The following BOC variants were observed in gnomAD, a reference collection of about 807,000 sequenced individuals.
The protein encoded by BOC is BOC cell adhesion associated, oncogene regulated, also known as brother of CDO.
Under a neutral mutation model 112.0 loss-of-function variants are expected in BOC, and 76 were observed. That is an observed-to-expected ratio of 0.68 (90% CI 0.56 to 0.82). The LOEUF (loss-of-function observed/expected upper bound fraction) is 0.82. Among genes scored for constraint, BOC ranks in the 40% least tolerant of loss-of-function variants. The pLI, the probability that BOC is intolerant of heterozygous loss-of-function variation, is 0.00. For missense variants in BOC, 1,309 were observed against 1,511.7 expected (o/e 0.87, Z 2.22); for synonymous variants, 580 against 599.8 (o/e 0.97, Z 0.48).
chr3:113,244,843 C>A (rs1381263716), intron 2 of BOC, among the ~76,000 whole-genome samples: 1 of 152,140 alleles, frequency 6.6e-6, no homozygotes, highest in East Asian at 1.9e-4. Flanking sequence ...GAAGTAAATT[C>A]AGAAACATTC....
At chr3:113,212,526 G>A (rs1938395896) in intron 1 of BOC, 1 of 152,248 alleles carries the variant, frequency 6.6e-6, no homozygotes, top group African/African-American at 2.4e-5. Context: ...TGGAGGGTGA[G>A]GGTTTCTCAT....
At position 113,274,141 on chromosome 3, in the gene BOC, G is replaced by A. The variant is rs1237336165; in HGVS notation, c.1235-234G>A. The stretch of plus-strand genomic sequence containing the variant: ...TCAGGAGTTTGCTTGCCATACCCAA[G>A]CCACCCCTGAGCCCTGGCCAGGCAG... On this transcript the variant is annotated intron_variant, in intron 8 of 19. Coordinates refer to ENST00000682979, the MANE Select transcript of BOC (RefSeq NM_001378074.1). The surrounding 1 kb of genome is among the most constrained non-coding windows in gnomAD (Gnocchi z 4.8). 6.6e-6 allele frequency among the ~76,000 whole-genome samples: 1 copy of A among 152,158 alleles called. No individual in the cohort carries two copies. The highest frequency in any genetic ancestry group is 1.9e-4 in the East Asian group (1 of 5,180).
Position 113,268,364 on chromosome 3 carries a change from A to G in BOC, c.442A>G (p.Ile148Val). ...AGTGGATGAGGGAAACACAGCAGTC[A>G]TTGCCTGCCACCTGCCTGAGAGCCA... ...IEVDEGNTAV[I>V]ACHLPESHPK... is the part of the protein sequence containing the mutation. Residue 148 changes from isoleucine (I) to valine (V), a missense_variant, in exon 5 of 20, where the codon ATT (isoleucine) becomes GTT (valine). Transcript: ENST00000682979. 6.2e-7 allele frequency: 1 copy of G among 1,614,112 alleles called. No individual in the cohort carries two copies. Among genetic ancestry groups the G allele is most frequent in the Non-Finnish European group, 8.5e-7 (1 of 1,179,996 alleles).
At position 113,272,671 on chromosome 3, in the gene BOC, C is replaced by A; in HGVS notation, c.929C>A (p.Ala310Glu). 1 of 1,613,912 alleles carries A rather than the reference C, an allele frequency of 6.2e-7. No individual in the cohort carries two copies. Among genetic ancestry groups the A allele is most frequent in the Non-Finnish European group, 8.5e-7 (1 of 1,179,978 alleles). The change falls in exon 7 of 20, where the codon GCA becomes GAA. Residue 310 changes from alanine to glutamate, a missense_variant. Physicochemically the swap from Ala to Glu is moderately radical, Grantham distance 107. Transcript: ENST00000682979. ...MADNGVGQPGAAVILYNVQVF... is the reference protein window; with the variant it reads ...MADNGVGQPGEAVILYNVQVF... ...GACAATGGGGTTGGGCAGCCCGGGG[C>A]AGCGGTCATCCTCTACAATGTCCAG... is the stretch of plus-strand genomic sequence containing the variant.
chr3:113,237,926 G>A (rs1017662505), intron 2 of BOC, among the ~76,000 whole-genome samples: 1 of 152,164 alleles, frequency 6.6e-6, no homozygotes, highest in South Asian at 2.1e-4. Flanking sequence ...AGGTGCTAGG[G>A]TTACCAAGAT....
chr3:113,211,315 G>A (rs560760143), upstream of BOC, among the ~76,000 whole-genome samples: 15 of 152,260 alleles, frequency 9.9e-5, no homozygotes, highest in Admixed American at 6.5e-4. Flanking sequence ...TTTGGTATGG[G>A]AAAGCAAAAG....
At chr3:113,242,815 T>C (rs1944467911) in intron 2 of BOC, among the ~76,000 whole-genome samples, 1 of 152,102 alleles carries the variant, frequency 6.6e-6, no homozygotes, top group Admixed American at 6.5e-5. Context: ...CTTTTCGTTC[T>C]TTTACGTAAG....
In BOC at chr3:113,222,668, T is replaced by C. The variant is rs542714383; in HGVS notation, c.-82+6394T>C. Among the ~76,000 whole-genome samples, 36 of 152,334 alleles carry C rather than the reference T, an allele frequency of 2.4e-4. No homozygotes were observed. In the East Asian group the frequency reaches 6.7e-3, roughly 29 times the overall value. ...AGGAATCTGTTGAACGTCTGCTTTG[T>C]GCACAGCACTGTGCTAGGCCTGGCT... On this transcript the variant is annotated intron_variant, in intron 2 of 19. Transcript: ENST00000682979.
rs1167285121 is a variant in BOC at position 113,272,580 on chromosome 3, C to G, written c.838C>G (p.Leu280Val). 1 of 1,614,102 alleles carries G rather than the reference C, an allele frequency of 6.2e-7. No individual in the cohort carries two copies. Among genetic ancestry groups the G allele is most frequent in the African/African-American group, 1.3e-5 (1 of 75,016 alleles). Residue 280 changes from leucine to valine, a missense_variant, in exon 7 of 20, where the codon CTG becomes GTG. Transcript: ENST00000682979. The part of the protein sequence containing the change: ...SVTGYNKTRF[L>V]LSNLLIDTTS... The stretch of plus-strand genomic sequence containing the variant: ...CACCGGCTACAACAAGACGCGCTTC[C>G]TGCTGAGCAACCTCCTCATCGACAC...
At chr3:113,228,140 A>G (rs969394599) in intron 2 of BOC, among the ~76,000 whole-genome samples, 1 of 152,216 alleles carries the variant, frequency 6.6e-6, no homozygotes, top group African/African-American at 2.4e-5. Flanking sequence ...AGAGCCGAGT[A>G]TTTAATGGAT....
In BOC at chr3:113,249,741, G is replaced by T; in HGVS notation, c.-62G>T. 7.2e-7 allele frequency: 1 copy of T among 1,379,484 alleles called. No homozygotes were observed. Among genetic ancestry groups the T allele is most frequent in the Non-Finnish European group, 1.0e-6 (1 of 989,970 alleles). The allele number at this position is 1,379,484 out of a possible 1,614,324, so 85.5% of individuals were successfully genotyped here. ...CAACAGAGTGTTGCCAGGGACGGCA[G>T]TATCTCTTTGTGTGACCCTGGCGGC... On this transcript the variant is annotated 5_prime_UTR_variant, in exon 3 of 20. Transcript: ENST00000682979.
At chr3:113,230,649 T>G (rs1338235172) in intron 2 of BOC, among the ~76,000 whole-genome samples, 1 of 152,226 alleles carries the variant, frequency 6.6e-6, no homozygotes, top group African/African-American at 2.4e-5. Context: ...ATTCAACAAG[T>G]GGTCAAATAA....
intron 19 of BOC, among the ~76,000 whole-genome samples, chr3:113,286,356 C>T (rs756021203): frequency 3.9e-5 from 6 of 152,128 alleles, no homozygotes; most frequent in Non-Finnish European, 7.4e-5. Context: ...GTGGACTAGC[C>T]GCCTAAACAT....
chr3:113,268,184 A>G, intron 4 of BOC, 115 bp from the exon 5 acceptor site: 1 of 1,463,504 alleles, frequency 6.8e-7, no homozygotes, highest in Non-Finnish European at 9.2e-7. Flanking sequence ...ATCCCCTGAT[A>G]TCCCCCTAGG....
At chr3:113,281,197 G>T in intron 15 of BOC, 44 bp downstream of exon 15, 1 of 1,606,228 alleles carries the variant, frequency 6.2e-7, no homozygotes, top group Non-Finnish European at 8.5e-7. Flanking sequence ...TGTTTCCAGC[G>T]AGGGAAGGCA....
intron 15 of BOC, among the ~76,000 whole-genome samples, chr3:113,281,922 A>T (rs1487250145): frequency 6.6e-6 from 1 of 152,136 alleles, no homozygotes; most frequent in African/African-American, 2.4e-5. Context: ...CACCAGAGGG[A>T]GGGCAGATAC....
At chr3:113,276,920 G>A (rs1313474517) in intron 9 of BOC, among the ~76,000 whole-genome samples, 1 of 152,190 alleles carries the variant, frequency 6.6e-6, no homozygotes, top group Non-Finnish European at 1.5e-5. Context: ...CACAACTTGA[G>A]GCTCCAGCAG....
At chr3:113,268,510 C>A in intron 5 of BOC, 65 bp downstream of exon 5, 2 of 1,515,642 alleles carry the variant, frequency 1.3e-6, no homozygotes, top group Non-Finnish European at 1.8e-6. Context: ...CCTCCAACCG[C>A]TCGCTGCTCA....
At position 113,286,777 on chromosome 3, in the gene BOC, C is replaced by A. The variant is rs1949738863; in HGVS notation, c.3263C>A (p.Ala1088Asp). 6 of 1,613,738 alleles carry A rather than the reference C, an allele frequency of 3.7e-6. No individual in the cohort carries two copies. The Middle Eastern group carries it at 6.6e-4, about 178-fold the overall frequency. ...TGGTGTCCCCAGCACCCCGTAGGGG[C>A]CTACGTAGGACAGGAACCTGGAATG... Reference protein sequence around the residue: ...GDWCPQHPVGAYVGQEPGMQL... With the variant: ...GDWCPQHPVGDYVGQEPGMQL... The change falls in exon 20 of 20, where the codon GCC becomes GAC. Residue 1088 changes from alanine to aspartate, a missense_variant. By Grantham distance (126) the Ala-to-Asp change is moderately radical (BLOSUM62 -2). Coordinates refer to ENST00000682979, the MANE Select transcript of BOC (RefSeq NM_001378074.1).
Sources: allele counts gnomAD v4.1 joint callset (sites outside exome capture counted in the v4.1 genomes callset), GRCh38; gene constraint gnomAD v4.1.1; non-coding constraint Gnocchi (gnomAD v3.1); transcripts MANE v1.5; gene names NCBI Gene and HGNC (gene_info 2026-07-23, HGNC 2026-07-21).